PICK1: variants seen among roughly 807,000 people sequenced by gnomAD.
PICK1 encodes protein interacting with PRKCA 1.
A neutral mutation model predicts 48.9 loss-of-function variants in PICK1; 23 were observed. The observed-to-expected ratio is 0.47, with a 90% confidence interval of 0.34 to 0.67. The LOEUF is 0.67. Among genes scored for constraint, PICK1 ranks in the 30% least tolerant of loss-of-function variants. The pLI is 0.01. For synonymous variants in PICK1, 217 were observed against 228.2 expected (o/e 0.95, Z 0.44); for missense variants, 423 against 557.1 (o/e 0.76, Z 2.42).
Position 38,057,859 on chromosome 22 carries a change from T to C in PICK1, c.41+9T>C, listed in dbSNP as rs2085308172. On this transcript the variant is annotated intron_variant, in intron 2 of 12. Coordinates refer to ENST00000356976, the MANE Select transcript of PICK1 (RefSeq NM_012407.4). ...ATCGAAGAGGATAAACTGTGAGTAT[T>C]TTATTCCCCCAAGTTCCAGCAGTAT... 1 of 1,610,972 alleles carries C rather than the reference T, an allele frequency of 6.2e-7. No homozygotes were observed. The highest frequency in any genetic ancestry group is 1.3e-5 in the African/African-American group (1 of 74,980).
At chr22:38,059,414 C>A in intron 3 of PICK1, 69 bp downstream of exon 3, 1 of 1,034,406 alleles carries the variant, frequency 9.7e-7, no homozygotes, top group Non-Finnish European at 1.5e-6. Flanking sequence ...AGGTTCATTT[C>A]TCCACACTGC....
rs769131061 is a variant in PICK1 at position 38,066,033 on chromosome 22, C to A, written c.282+903C>A. The stretch of plus-strand genomic sequence containing the variant: ...TCCTCTCTCCCCTTTATCCTCCTGT[C>A]CTGCTCCTGAGTAGTCCGTGCTTCT... On this transcript the variant is annotated intron_variant, in intron 4 of 12. Transcript: ENST00000356976. This position sits in a 1 kb window ranked among gnomAD's most constrained non-coding sequence, Gnocchi z 4.1. 2.0e-5 allele frequency among the ~76,000 whole-genome samples: 3 copies of A among 152,206 alleles called. No individual in the cohort carries two copies. Among genetic ancestry groups the A allele is most frequent in the Admixed American group, 2.0e-4 (3 of 15,280 alleles).
chr22:38,065,686 G>T (rs561792066), intron 4 of PICK1, among the ~76,000 whole-genome samples: 1 of 152,010 alleles, frequency 6.6e-6, no homozygotes, highest in Admixed American at 6.6e-5. Context: ...TGCCTGCCCC[G>T]CTTTCCCCCA....
At chr22:38,059,979 C>T (rs769964407) in intron 3 of PICK1, among the ~76,000 whole-genome samples, 1 of 152,082 alleles carries the variant, frequency 6.6e-6, no homozygotes, top group Non-Finnish European at 1.5e-5. Flanking sequence ...TTTGGGAGGC[C>T]GAGGTGGGTG....
intron 2 of PICK1, 97 bp downstream of exon 2, chr22:38,057,947 G>A (rs2085310382): frequency 1.0e-6 from 1 of 999,226 alleles, no homozygotes; most frequent in Non-Finnish European, 1.6e-6. Context: ...CTTCTCAGCG[G>A]TGGATCAGTT....
intron 4 of PICK1, 106 bp from the exon 5 acceptor site, chr22:38,067,598 C>T (rs1054733237): frequency 1.6e-5 from 16 of 983,702 alleles, no homozygotes; most frequent in East Asian, 9.7e-5. Flanking sequence ...TGTGAGCCAC[C>T]GCACCCGGCC....
rs927599711 is a variant in PICK1, at chr22:38,066,974, C to T, written c.283-730C>T. ...CTCCCCTTGGTGCCCCAGCACCAGG[C>T]ACAGAGCAAGTGCTCAGATGTGCTG... On this transcript the variant is annotated intron_variant, in intron 4 of 12. Coordinates refer to ENST00000356976, the MANE Select transcript of PICK1 (RefSeq NM_012407.4). The surrounding 1 kb of genome is among the most constrained non-coding windows in gnomAD (Gnocchi z 4.1). Among the ~76,000 whole-genome samples the T allele has an allele frequency of 6.6e-6, 1 of 152,188 alleles. No individual in the cohort carries two copies. Among genetic ancestry groups the T allele is most frequent in the African/African-American group, 2.4e-5 (1 of 41,432 alleles).
At chr22:38,061,390 A>G (rs1025643150) in intron 3 of PICK1, among the ~76,000 whole-genome samples, 1 of 152,096 alleles carries the variant, frequency 6.6e-6, no homozygotes, top group Non-Finnish European at 1.5e-5. Flanking sequence ...TTTAAATTCA[A>G]TTTTGTTTTT....
chr22:38,057,541 TGG>T lies in PICK1; in HGVS notation c.-102_-101del. The T allele has an allele frequency of 1.9e-6, 1 of 519,824 alleles. No individual in the cohort carries two copies. The highest frequency in any genetic ancestry group is 3.2e-5 in the East Asian group (1 of 30,986). 32.2% of individuals were successfully genotyped at this position (519,824 alleles called of 1,614,324 possible). A position where few individuals can be genotyped will look rare whatever the true frequency, so the allele number is the denominator to read the frequency against. The stretch of plus-strand genomic sequence containing the variant: ...GCCTGGAGACCCGTGGGGCGGACTC[TGG>T]GATCTGAGCCTATCGCCCTGGCCTG... On this transcript the variant is annotated 5_prime_UTR_variant, in exon 1 of 13. Transcript: ENST00000356976.
chr22:38,060,636 TC>T (rs2085375968), intron 3 of PICK1, among the ~76,000 whole-genome samples: 1 of 151,950 alleles, frequency 6.6e-6, no homozygotes. Flanking sequence ...TAGCAAGACC[TC>T]CCCCAGGCCT....
At chr22:38,072,725 G>A in intron 9 of PICK1, 115 bp downstream of exon 9, 1 of 1,449,924 alleles carries the variant, frequency 6.9e-7, no homozygotes, top group South Asian at 1.1e-5. Flanking sequence ...CTCTGGCTCA[G>A]TCACCCACAC....
rs373035579 is a variant in PICK1 at position 38,075,157 on chromosome 22, G to A, written c.*25G>A. On this transcript the variant is annotated 3_prime_UTR_variant, in exon 13 of 13. Transcript: ENST00000356976. The stretch of plus-strand genomic sequence containing the variant: ...AGTGCCCCGCGGCTGTGGTGCCGGG[G>A]GCAGGGTGCGTGGGAGGACGGAGCC... The A allele has an allele frequency of 6.5e-4, 1,040 of 1,599,948 alleles. 3 individuals are homozygous for A. The Middle Eastern group carries it at 0.012, about 18-fold the overall frequency.
At chr22:38,071,794 C>A (rs2085703007) in intron 8 of PICK1, 50 bp downstream of exon 8, 1 of 1,485,130 alleles carries the variant, frequency 6.7e-7, no homozygotes, top group Non-Finnish European at 9.4e-7. Context: ...ATCCCTGGGG[C>A]CTCTCACTCC....
At position 38,070,870 on chromosome 22, in the gene PICK1, C is replaced by T. The variant is rs781381422; in HGVS notation, c.472C>T (p.Arg158Trp). The T allele has an allele frequency of 9.9e-6, 16 of 1,613,768 alleles. No individual in the cohort carries two copies. The highest frequency in any genetic ancestry group is 2.2e-5 in the South Asian group (2 of 91,074). Residue 158 changes from arginine (R) to tryptophan (W), a missense_variant, in exon 7 of 13, where the codon CGG becomes TGG. Arg to Trp is a moderately radical substitution (Grantham distance 101, BLOSUM62 -3). This residue lies in a region of PICK1 where 279 missense variants were observed against 417.8 expected (regional missense o/e 0.67). Coordinates refer to ENST00000356976, the MANE Select transcript of PICK1 (RefSeq NM_012407.4). ...TGTCAAGAGGCTAGAGGAGCTGGAG[C>T]GGACCGCTGAGCTATACAAAGGTGG... is the stretch of plus-strand genomic sequence containing the variant. ...GLVKRLEELE[R>W]TAELYKGMTE...
chr22:38,069,264 C>T, intron 6 of PICK1, 142 bp downstream of exon 6: 1 of 665,322 alleles, frequency 1.5e-6, no homozygotes, highest in South Asian at 1.7e-5. Flanking sequence ...GAGAAGTCAC[C>T]ATCTCTGTAC....
At chr22:38,072,642 G>A (rs751763624) in intron 9 of PICK1, 32 bp downstream of exon 9, 14 of 1,610,784 alleles carry the variant, frequency 8.7e-6, no homozygotes, top group Admixed American at 5.0e-5. Flanking sequence ...TGTGTCTGGC[G>A]TGTGAGGGTG....
In PICK1 at chr22:38,067,744, C is replaced by T; in HGVS notation, c.323C>T (p.Pro108Leu). 1 of 1,614,020 alleles carries T rather than the reference C, an allele frequency of 6.2e-7. No homozygotes were observed. Among genetic ancestry groups the T allele is most frequent in the Non-Finnish European group, 8.5e-7 (1 of 1,179,892 alleles). Residue 108 changes from proline (P) to leucine (L), a missense_variant, in exon 5 of 13, where the codon CCC (proline) becomes CTC (leucine). Pro to Leu is a moderately conservative substitution (Grantham distance 98, BLOSUM62 -3). This residue lies in a region of PICK1 where 279 missense variants were observed against 417.8 expected (regional missense o/e 0.67). Coordinates refer to ENST00000356976, the MANE Select transcript of PICK1 (RefSeq NM_012407.4). Reference protein sequence around the residue: ...TIHYNKLQADPKQGMSLDIVL... With the variant: ...TIHYNKLQADLKQGMSLDIVL... Reference sequence around the variant, plus strand: ...CACTACAACAAGCTGCAGGCGGACCCCAAGCAGGGCATGTCCCTGGACATT... The same window carrying T: ...CACTACAACAAGCTGCAGGCGGACCTCAAGCAGGGCATGTCCCTGGACATT...
At chr22:38,067,088 G>A (rs2085543404) in intron 4 of PICK1, among the ~76,000 whole-genome samples, 3 of 151,912 alleles carry the variant, frequency 2.0e-5, no homozygotes, top group Admixed American at 6.6e-5. Flanking sequence ...GCAAAGGCTT[G>A]GAGTGTGGTT....
Position 38,074,295 on chromosome 22 carries a change from C to T in PICK1, c.835-12C>T, listed in dbSNP as rs758755530. 3 of 1,611,510 alleles carry T rather than the reference C, an allele frequency of 1.9e-6. No individual in the cohort carries two copies. The highest frequency in any genetic ancestry group is 1.7e-5 in the Admixed American group (1 of 59,998). The stretch of plus-strand genomic sequence containing the variant: ...TCCCTGAGCAGGCACTCCTGTCCCA[C>T]CCCCGCCCCAGGCCCTAGGCGAGCC... On this transcript the variant is annotated splice_polypyrimidine_tract_variant and intron_variant, in intron 11 of 12. Transcript: ENST00000356976. The surrounding 1 kb of genome is among the most constrained non-coding windows in gnomAD (Gnocchi z 4.5).
Sources: gnomAD v4.1 joint callset for allele counts (sites outside exome capture counted in the v4.1 genomes callset) on GRCh38, gnomAD v4.1.1 for gene constraint, gnomAD v4.1.1 regional missense constraint, Gnocchi (gnomAD v3.1) non-coding constraint, MANE v1.5 for transcripts, NCBI Gene and HGNC (gene_info 2026-07-23, HGNC 2026-07-21) for gene names.